The following SLC20A1 variants were observed in gnomAD, a reference collection of about 807,000 sequenced individuals.
The protein encoded by SLC20A1 is sodium-dependent phosphate transporter 1.
Under a neutral mutation model 62.7 loss-of-function variants are expected in SLC20A1, and 28 were observed. The observed-to-expected ratio is 0.45, with a 90% CI of 0.33 to 0.61. SLC20A1 has a LOEUF of 0.61. Among genes scored for constraint, SLC20A1 ranks in the 20% least tolerant of loss-of-function variants. The probability of loss-of-function intolerance (pLI) is 0.02; values close to 1 mark genes in which losing one functional copy is unlikely to be tolerated. For synonymous variants in SLC20A1, 305 were observed against 302.9 expected, an observed-to-expected ratio of 1.01 and a Z score of -0.07; for missense variants, 673 against 838.6, an observed-to-expected ratio of 0.80 and a Z score of 2.44.
chr2:112,647,217 T>A lies in SLC20A1; in HGVS notation c.334+55T>A, dbSNP rs1294534040. The A allele has an allele frequency of 2.5e-6, 4 of 1,585,460 alleles. No individual in the cohort carries two copies. In the African/African-American group the frequency reaches 5.4e-5, roughly 21 times the overall value. ...GTGGTGGGTGAGCAAATTTGTATCATGGGTGGTTCCATTTTTGTGCATAAC... is the reference window on the plus strand; with the variant it reads ...GTGGTGGGTGAGCAAATTTGTATCAAGGGTGGTTCCATTTTTGTGCATAAC... On this transcript the variant is annotated intron_variant, in intron 2 of 10. Coordinates refer to ENST00000272542, the MANE Select transcript of SLC20A1 (RefSeq NM_005415.5).
chr2:112,655,399 A>T (rs1310095157), intron 5 of SLC20A1, among the ~76,000 whole-genome samples: 1 of 152,086 alleles, frequency 6.6e-6, no homozygotes, highest in Non-Finnish European at 1.5e-5. Context: ...TAGGTACATA[A>T]CCTCATTGTA....
chr2:112,663,020 A>C lies in SLC20A1; in HGVS notation c.2035A>C (p.Met679Leu). ...AATCTTCAGATATGTCATCCTCAGA[A>C]TGTGAAGCTGTTTGAGATTAAAATT... ...MAIFRYVILR[M>L] The change falls in exon 11 of 11, where the codon ATG (methionine) becomes CTG (leucine). Residue 679 changes from methionine to leucine, a missense_variant. Met to Leu is a conservative substitution (Grantham distance 15). Transcript: ENST00000272542. 1 of 1,614,074 alleles carries C rather than the reference A, an allele frequency of 6.2e-7. No individual in the cohort carries two copies. The highest frequency in any genetic ancestry group is 1.1e-5 in the South Asian group (1 of 91,084).
chr2:112,649,351 G>A (rs1478862005), intron 4 of SLC20A1, among the ~76,000 whole-genome samples: 4 of 152,160 alleles, frequency 2.6e-5, no homozygotes, highest in Non-Finnish European at 4.4e-5. Context: ...CTCTGTGCAC[G>A]TGCACACACA....
chr2:112,660,833 A>G, intron 9 of SLC20A1: 1 of 450,910 alleles, frequency 2.2e-6, no homozygotes, highest in East Asian at 3.3e-5. Flanking sequence ...ATAGTTATGT[A>G]TACTTGCCTT....
At chr2:112,648,207 A>G (rs1686337990) in intron 4 of SLC20A1, among the ~76,000 whole-genome samples, 1 of 152,138 alleles carries the variant, frequency 6.6e-6, no homozygotes, top group Non-Finnish European at 1.5e-5. Context: ...TGCCTCCCAT[A>G]GTGACTTGAC....
chr2:112,656,573 T>C (rs1200437955), intron 5 of SLC20A1, among the ~76,000 whole-genome samples: 3 of 152,260 alleles, frequency 2.0e-5, no homozygotes, highest in Non-Finnish European at 4.4e-5. Context: ...TTCTGTATCT[T>C]GCTTTGATAC....
intron 5 of SLC20A1, among the ~76,000 whole-genome samples, chr2:112,654,769 G>A (rs1178382864): frequency 6.6e-6 from 1 of 151,648 alleles, no homozygotes; most frequent in African/African-American, 2.4e-5. Context: ...AGTGGCAGGC[G>A]CCTGTAATCC....
chr2:112,659,762 G>A lies in SLC20A1; in HGVS notation c.1607G>A (p.Ser536Asn). ...TTCGCCCATGGTGGCAATGACGTAA[G>A]GTCAGTTGACATTGATCTTAGTGTT... The part of the protein sequence containing the change: ...GSFAHGGNDV[S>N]NAIGPLVALY... The change falls in exon 8 of 11, where the codon AGC (serine) becomes AAC (asparagine). Residue 536 changes from serine (S) to asparagine (N), a missense_variant and splice_region_variant. By Grantham distance (46) the Ser-to-Asn change is conservative (BLOSUM62 1). Transcript: ENST00000272542. 6.2e-7 allele frequency: 1 copy of A among 1,608,732 alleles called. No homozygotes were observed. The highest frequency in any genetic ancestry group is 2.2e-5 in the East Asian group (1 of 44,798).
chr2:112,651,790 C>T (rs1199612924), intron 4 of SLC20A1, among the ~76,000 whole-genome samples: 1 of 152,212 alleles, frequency 6.6e-6, no homozygotes, highest in African/African-American at 2.4e-5. Context: ...TATTTTTAGT[C>T]ACTGGCCTTA....
At chr2:112,660,924 C>T (rs1407328205) in intron 9 of SLC20A1, 1 of 501,070 alleles carries the variant, frequency 2.0e-6, no homozygotes, top group African/African-American at 1.9e-5. Context: ...TAGTGGGATT[C>T]CAGAAAAACG....
intron 8 of SLC20A1, among the ~76,000 whole-genome samples, chr2:112,660,055 T>C (rs1304968906): frequency 6.6e-6 from 1 of 152,230 alleles, no homozygotes; most frequent in Non-Finnish European, 1.5e-5. Flanking sequence ...TTGTGGGATG[T>C]AAGATGTAAG....
At chr2:112,662,534 T>C (rs982880284) in intron 10 of SLC20A1, among the ~76,000 whole-genome samples, 1 of 152,186 alleles carries the variant, frequency 6.6e-6, no homozygotes, top group Admixed American at 6.5e-5. Flanking sequence ...GAGCCAAGAT[T>C]GCGCCACTGT....
chr2:112,647,425 G>A lies in SLC20A1; in HGVS notation c.436G>A (p.Gly146Arg). Reference protein sequence around the residue: ...ATIGFSLVAKGQEGVKWSELI... With the variant: ...ATIGFSLVAKRQEGVKWSELI... Reference sequence around the variant, plus strand: ...TATTGGTTTCTCCCTCGTGGCAAAGGGGCAGGAGGGTGTCAAGTGGTCTGA... The same window carrying A: ...TATTGGTTTCTCCCTCGTGGCAAAGAGGCAGGAGGGTGTCAAGTGGTCTGA... The change falls in exon 3 of 11, where the codon GGG (glycine) becomes AGG (arginine). Residue 146 changes from glycine (G) to arginine (R), a missense_variant. Gly to Arg is a moderately radical substitution (Grantham distance 125). Transcript: ENST00000272542. 1 of 1,614,070 alleles carries A rather than the reference G, an allele frequency of 6.2e-7. No individual in the cohort carries two copies. Among genetic ancestry groups the A allele is most frequent in the Non-Finnish European group, 8.5e-7 (1 of 1,180,004 alleles).
chr2:112,651,345 A>G (rs535983477), intron 4 of SLC20A1, among the ~76,000 whole-genome samples: 10 of 151,934 alleles, frequency 6.6e-5, no homozygotes, highest in Non-Finnish European at 1.3e-4. Context: ...TAAACCTTTT[A>G]GGCTAAGGTC....
At chr2:112,651,633 C>T (rs924371759) in intron 4 of SLC20A1, among the ~76,000 whole-genome samples, 1 of 152,098 alleles carries the variant, frequency 6.6e-6, no homozygotes, top group Non-Finnish European at 1.5e-5. Context: ...GTCTCGATCT[C>T]CTGACCTCAT....
chr2:112,652,921 G>A (rs765239937), intron 5 of SLC20A1, 123 bp downstream of exon 5: 59 of 1,589,412 alleles, frequency 3.7e-5, no homozygotes, highest in Middle Eastern at 1.7e-4. Context: ...GCTGGCCTGC[G>A]CCCATTTCAG....
At chr2:112,660,832 T>C (rs2104651139) in intron 9 of SLC20A1, 1 of 449,776 alleles carries the variant, frequency 2.2e-6, no homozygotes, top group East Asian at 3.3e-5. Flanking sequence ...GATAGTTATG[T>C]ATACTTGCCT....
At chr2:112,655,212 A>G (rs1347295191) in intron 5 of SLC20A1, among the ~76,000 whole-genome samples, 2 of 151,966 alleles carry the variant, frequency 1.3e-5, no homozygotes, top group African/African-American at 4.8e-5. Flanking sequence ...CAGGTGATCC[A>G]CGGACCTCAG....
At chr2:112,653,243 G>T in intron 5 of SLC20A1, 1 of 230,638 alleles carries the variant, frequency 4.3e-6, no homozygotes, top group South Asian at 5.8e-5. Flanking sequence ...CCATGAATCT[G>T]CTTGAATGAG....
Sources: allele counts gnomAD v4.1 joint callset (sites outside exome capture counted in the v4.1 genomes callset), GRCh38; gene constraint gnomAD v4.1.1; transcripts MANE v1.5; gene names NCBI Gene and HGNC (gene_info 2026-07-23, HGNC 2026-07-21).